The following PDE8B variants were observed in gnomAD, a reference collection of about 807,000 sequenced individuals.
PDE8B encodes the protein high affinity cAMP-specific and IBMX-insensitive 3',5'-cyclic phosphodiesterase 8B.
A neutral mutation model predicts 101.3 loss-of-function variants in PDE8B; 26 were observed. The ratio of observed to expected loss-of-function variants is 0.26; its 90% CI spans 0.19 to 0.36. The LOEUF is 0.36. Among genes scored for constraint, PDE8B ranks in the 10% least tolerant of loss-of-function variants. The pLI, the probability that PDE8B is intolerant of heterozygous loss-of-function variation, is 1.00. For synonymous variants in PDE8B, 424 were observed against 429.3 expected (o/e 0.99, Z 0.15); for missense variants, 810 against 1,163.1 (o/e 0.70, Z 4.42).
intron 20 of PDE8B, among the ~76,000 whole-genome samples, chr5:77,424,992 A>C (rs897475392): frequency 6.6e-6 from 1 of 152,142 alleles, no homozygotes; most frequent in Non-Finnish European, 1.5e-5. Flanking sequence ...GCTTGGCCTG[A>C]AACTTTTTTT....
chr5:77,357,727 T>C (rs1236115672), intron 10 of PDE8B, among the ~76,000 whole-genome samples: 1 of 152,250 alleles, frequency 6.6e-6, no homozygotes, highest in Non-Finnish European at 1.5e-5. Context: ...ACTCAAGGAC[T>C]CTGTAGTTGC....
At chr5:77,414,796 G>A (rs1795208471) in intron 17 of PDE8B, among the ~76,000 whole-genome samples, 1 of 152,008 alleles carries the variant, frequency 6.6e-6, no homozygotes, top group South Asian at 2.1e-4. Flanking sequence ...GTTGAGAACA[G>A]CACCCAATTC....
chr5:77,251,865 T>C (rs1758133300), intron 1 of PDE8B, among the ~76,000 whole-genome samples: 1 of 152,262 alleles, frequency 6.6e-6, no homozygotes, highest in African/African-American at 2.4e-5. Context: ...CTTTTTCAAA[T>C]CTGCCAAATC....
chr5:77,144,135 G>A, the PDE8B span: 1 of 152,208 alleles, frequency 6.6e-6, no homozygotes, highest in Non-Finnish European at 1.5e-5. Context: ...TCCAGGAGGA[G>A]GGTAGTGTCA....
At chr5:77,261,847 A>G (rs1015645997) in intron 1 of PDE8B, among the ~76,000 whole-genome samples, 2 of 152,162 alleles carry the variant, frequency 1.3e-5, no homozygotes, top group African/African-American at 4.8e-5. Flanking sequence ...CAGCAAAGGG[A>G]TTTTCCATGT....
chr5:77,187,014 G>T, the PDE8B span, among the ~76,000 whole-genome samples: 3 of 152,214 alleles, frequency 2.0e-5, no homozygotes, highest in African/African-American at 7.2e-5. Flanking sequence ...CTTATAAATT[G>T]CTGTCAGCCA....
intron 10 of PDE8B, among the ~76,000 whole-genome samples, chr5:77,398,278 A>T (rs547198356): frequency 6.6e-6 from 1 of 151,724 alleles, no homozygotes; most frequent in African/African-American, 2.4e-5. Flanking sequence ...AAAAAAAAAA[A>T]ACCTTTTTCC....
chr5:77,180,604 T>C, the PDE8B span: 15 of 453,820 alleles, frequency 3.3e-5, no homozygotes, highest in Non-Finnish European at 4.1e-5. Flanking sequence ...ACCCAGGTGC[T>C]AGGGTGGCTT....
At chr5:77,416,825 C>A (rs1795660419) in intron 17 of PDE8B, among the ~76,000 whole-genome samples, 1 of 152,138 alleles carries the variant, frequency 6.6e-6, no homozygotes, top group Non-Finnish European at 1.5e-5. Context: ...CCTAGGAGAG[C>A]AAATTCTGGG....
chr5:77,161,741 T>C, the PDE8B span, among the ~76,000 whole-genome samples: 2 of 152,166 alleles, frequency 1.3e-5, no homozygotes, highest in Non-Finnish European at 2.9e-5. Flanking sequence ...CCCACCAACA[T>C]TGATGAGCAT....
chr5:77,116,761 T>C, the PDE8B span, among the ~76,000 whole-genome samples: 22 of 152,096 alleles, frequency 1.4e-4, no homozygotes, highest in Non-Finnish European at 2.8e-4. Flanking sequence ...AAAAAGAACA[T>C]AGTATTAATC....
Position 77,349,632 on chromosome 5 carries a change from C to T in PDE8B, c.1017+73C>T. The stretch of plus-strand genomic sequence containing the variant: ...CTTTTTTTTCTGAGTTTTAGAATTT[C>T]ATCCTTAAGATTAGCTTTTTTAATA... On this transcript the variant is annotated intron_variant, in intron 8 of 21. Coordinates refer to ENST00000264917, the MANE Select transcript of PDE8B (RefSeq NM_003719.5). The T allele has an allele frequency of 2.0e-6, 3 of 1,507,392 alleles. No individual in the cohort carries two copies. The South Asian group carries it at 3.4e-5, about 17-fold the overall frequency. The allele number at this position is 1,507,392 out of a possible 1,614,324, so 93.4% of individuals were successfully genotyped here. A position where few individuals can be genotyped will look rare whatever the true frequency, so the allele number is the denominator to read the frequency against.
the PDE8B span, among the ~76,000 whole-genome samples, chr5:77,158,818 A>T: frequency 3.0e-4 from 45 of 152,266 alleles, no homozygotes; most frequent in Non-Finnish European, 5.1e-4. Context: ...TACACCTGAG[A>T]AAGAGGGACC....
Position 77,418,378 on chromosome 5 carries a change from C to T in PDE8B, c.2061C>T (p.His687=), listed in dbSNP as rs1329842047. 1.9e-6 allele frequency: 3 copies of T among 1,613,982 alleles called. No individual in the cohort carries two copies. The highest frequency in any genetic ancestry group is 1.3e-5 in the African/African-American group (1 of 74,920). The change falls in exon 18 of 22, where the codon CAC becomes CAT. Residue 687 remains histidine (H), a synonymous_variant. Coordinates refer to ENST00000264917, the MANE Select transcript of PDE8B (RefSeq NM_003719.5). The part of the protein sequence containing the change: ...LYNDTAVLES[H]HTALAFQLTV... ...ATGACACTGCTGTTCTGGAGAGTCA[C>T]CACACCGCCCTGGCCTTCCAGCTCA...
intron 4 of PDE8B, among the ~76,000 whole-genome samples, chr5:77,329,522 T>C (rs915914410): frequency 6.6e-5 from 10 of 152,266 alleles, no homozygotes; most frequent in Non-Finnish European, 1.0e-4. Flanking sequence ...TTGGGACTGA[T>C]ATGTGGCTAG....
Position 77,378,528 on chromosome 5 carries a change from A to G in PDE8B, c.1168-21720A>G, listed in dbSNP as rs553420788. Among the ~76,000 whole-genome samples the G allele has an allele frequency of 4.0e-5, 6 of 149,810 alleles. No homozygotes were observed. In the South Asian group the frequency reaches 1.1e-3, roughly 26 times the overall value. ...TTTTCTCAAAACCTATGGTCTTTTCACTTTATTGGTGTTTCTCAAACTGTA... is the reference window on the plus strand; with the variant it reads ...TTTTCTCAAAACCTATGGTCTTTTCGCTTTATTGGTGTTTCTCAAACTGTA... On this transcript the variant is annotated intron_variant, in intron 10 of 21. Transcript: ENST00000264917.
At chr5:77,387,433 T>C (rs10805909) in intron 10 of PDE8B, among the ~76,000 whole-genome samples, 97,554 of 152,210 alleles carry the variant, frequency 0.64, 32,268 homozygotes, top group African/African-American at 0.81. Flanking sequence ...CAGAGATATC[T>C]GCCGTTACTC....
At chr5:77,250,118 A>C (rs1757775192) in intron 1 of PDE8B, among the ~76,000 whole-genome samples, 1 of 152,276 alleles carries the variant, frequency 6.6e-6, no homozygotes, top group African/African-American at 2.4e-5. Flanking sequence ...GAGAGGAATA[A>C]GAAATTAACA....
the PDE8B span, among the ~76,000 whole-genome samples, chr5:77,094,747 T>G: frequency 6.6e-6 from 1 of 152,006 alleles, no homozygotes. Flanking sequence ...CTTCCACTTA[T>G]GATAAAAGGG....
Sources: gnomAD v4.1 joint callset for allele counts (sites outside exome capture counted in the v4.1 genomes callset) on GRCh38, gnomAD v4.1.1 for gene constraint, MANE v1.5 for transcripts, NCBI Gene and HGNC (gene_info 2026-07-23, HGNC 2026-07-21) for gene names.